HMGA2: variants seen among roughly 807,000 people sequenced by gnomAD.
HMGA2 encodes the protein high mobility group protein HMGI-C.
In HMGA2, 8 loss-of-function variants were observed where a neutral mutation model predicts 19.1. The observed-to-expected ratio is 0.42, with a 90% CI of 0.25 to 0.76. HMGA2 has a LOEUF of 0.76. Ranked by LOEUF, HMGA2 falls within the 30% of genes least tolerant of loss-of-function variation. HMGA2 has a pLI of 0.28. For missense variants in HMGA2, 109 were observed against 136.3 expected (o/e 0.80, Z 1.00); for synonymous variants, 60 against 48.8 (o/e 1.23, Z -0.96).
At chr12:65,923,826 A>G (rs935578982) in intron 3 of HMGA2, among the ~76,000 whole-genome samples, 10 of 152,186 alleles carry the variant, frequency 6.6e-5, no homozygotes, top group African/African-American at 2.4e-4. Context: ...CCTGACCGAC[A>G]TGGAGAAACC....
At chr12:65,921,836 C>T (rs958872414) in intron 3 of HMGA2, among the ~76,000 whole-genome samples, 4 of 152,214 alleles carry the variant, frequency 2.6e-5, no homozygotes, top group South Asian at 4.1e-4. Flanking sequence ...GTGCAGCCTA[C>T]GGACTTGGTG....
At chr12:65,837,507 A>G (rs1010788132) in intron 2 of HMGA2, among the ~76,000 whole-genome samples, 3 of 152,228 alleles carry the variant, frequency 2.0e-5, no homozygotes, top group African/African-American at 7.2e-5. Context: ...TCCTGGTTCA[A>G]GTTACCTGTA....
intron 4 of HMGA2, among the ~76,000 whole-genome samples, chr12:65,961,868 A>G (rs1876762407): frequency 6.6e-6 from 1 of 151,954 alleles, no homozygotes; most frequent in Non-Finnish European, 1.5e-5. Context: ...AGCATTTAGG[A>G]GCCCCTTCAC....
At chr12:65,832,483 T>G (rs1304607635) in intron 2 of HMGA2, among the ~76,000 whole-genome samples, 2 of 151,966 alleles carry the variant, frequency 1.3e-5, no homozygotes, top group African/African-American at 4.8e-5. Context: ...TATACCAGAT[T>G]GGTATTCTAT....
intron 3 of HMGA2, chr12:65,915,379 C>G: frequency 2.3e-6 from 3 of 1,313,388 alleles, no homozygotes; most frequent in Non-Finnish European, 2.9e-6. Flanking sequence ...TCACTCTAGG[C>G]ACATGCAGAG....
intron 3 of HMGA2, among the ~76,000 whole-genome samples, chr12:65,906,912 G>A (rs1156543469): frequency 1.3e-5 from 2 of 152,222 alleles, no homozygotes; most frequent in African/African-American, 2.4e-5. Context: ...GAGGTTCAAC[G>A]TCAAATATAG....
At chr12:65,842,328 T>C (rs114220361) in intron 3 of HMGA2, 225 of 612,912 alleles carry the variant, frequency 3.7e-4, no homozygotes, top group African/African-American at 3.3e-3. Context: ...GCATGGCACA[T>C]AGGTAGTGCT....
chr12:65,854,697 C>T (rs1001326692), intron 3 of HMGA2, among the ~76,000 whole-genome samples: 2 of 152,226 alleles, frequency 1.3e-5, no homozygotes, highest in African/African-American at 4.8e-5. Flanking sequence ...GCCCAACATG[C>T]ATTAGCTATT....
At chr12:65,890,747 T>C (rs976083954) in intron 3 of HMGA2, among the ~76,000 whole-genome samples, 5 of 150,690 alleles carry the variant, frequency 3.3e-5, no homozygotes, top group Non-Finnish European at 7.4e-5. Flanking sequence ...TTTTTTGAGA[T>C]GGAGTCTCAC....
intron 2 of HMGA2, chr12:65,829,016 C>CATCAAACT (rs1480901496): frequency 6.6e-6 from 1 of 152,078 alleles, no homozygotes; most frequent in Non-Finnish European, 1.5e-5. Context: ...TAATTGAGAA[C>CATCAAACT]AAAGTTTCAA....
At chr12:65,903,893 A>G (rs1192523407) in intron 3 of HMGA2, among the ~76,000 whole-genome samples, 1 of 152,234 alleles carries the variant, frequency 6.6e-6, no homozygotes, top group Non-Finnish European at 1.5e-5. Flanking sequence ...AAGACCCAAC[A>G]CTGGCAAATT....
chr12:65,952,637 A>G (rs1207299148), intron 4 of HMGA2: 13 of 586,278 alleles, frequency 2.2e-5, no homozygotes, highest in Non-Finnish European at 2.8e-5. Context: ...TTAAAAATAT[A>G]TACATATAAA....
At chr12:65,845,700 G>A (rs1353618960) in intron 3 of HMGA2, among the ~76,000 whole-genome samples, 1 of 152,130 alleles carries the variant, frequency 6.6e-6, no homozygotes, top group Non-Finnish European at 1.5e-5. Context: ...ATTGAAAAAA[G>A]GACCTCTGCG....
intron 4 of HMGA2, among the ~76,000 whole-genome samples, chr12:65,960,969 G>A (rs891360054): frequency 1.3e-5 from 2 of 152,140 alleles, no homozygotes; most frequent in African/African-American, 4.8e-5. Context: ...TCTAGTACAA[G>A]GTCTTTGTTA....
intron 2 of HMGA2, 139 bp downstream of exon 2, chr12:65,828,226 A>G (rs1870307044): frequency 4.2e-6 from 3 of 708,254 alleles, no homozygotes; most frequent in Non-Finnish European, 7.8e-6. Context: ...TACATTTAAC[A>G]TTAGTTAGAT....
chr12:65,838,369 G>A, intron 2 of HMGA2, 150 bp from the exon 3 acceptor site: 1 of 647,650 alleles, frequency 1.5e-6, no homozygotes, highest in Non-Finnish European at 2.7e-6. Context: ...TAACCTTAGA[G>A]GAGACGAAGT....
chr12:65,964,085 C>T lies in HMGA2; in HGVS notation c.*793C>T, dbSNP rs1379625405. On this transcript the variant is annotated 3_prime_UTR_variant, in exon 5 of 5. Transcript: ENST00000403681. Reference sequence around the variant, plus strand: ...CACTTCATTTTCAGGAAATCTACTTCCTACAGAGCCAAAATGCCATTTAGC... The same window carrying T: ...CACTTCATTTTCAGGAAATCTACTTTCTACAGAGCCAAAATGCCATTTAGC... 4.9e-6 allele frequency: 1 copy of T among 204,466 alleles called. No homozygotes were observed. The highest frequency in any genetic ancestry group is 7.6e-5 in the East Asian group (1 of 13,172). 12.7% of individuals were successfully genotyped at this position (204,466 alleles called of 1,614,324 possible).
intron 3 of HMGA2, among the ~76,000 whole-genome samples, chr12:65,849,769 A>AG (rs1461093365): frequency 1.1e-5 from 1 of 87,120 alleles, no homozygotes; most frequent in Non-Finnish European, 1.9e-5. Context: ...TTGAGGCTGG[A>AG]GTGCAATGGC....
chr12:65,914,320 A>G (rs1375647805), intron 3 of HMGA2, among the ~76,000 whole-genome samples: 1 of 152,166 alleles, frequency 6.6e-6, no homozygotes, highest in Non-Finnish European at 1.5e-5. Flanking sequence ...GCCATAAAAA[A>G]TGATGAGTTC....
Sources: gnomAD v4.1 joint callset for allele counts (sites outside exome capture counted in the v4.1 genomes callset) on GRCh38, gnomAD v4.1.1 for gene constraint, MANE v1.5 for transcripts, NCBI Gene and HGNC (gene_info 2026-07-23, HGNC 2026-07-21) for gene names.